Variants in SLC24A2 observed in about 807,000 individuals in gnomAD.
SLC24A2 encodes the protein sodium/potassium/calcium exchanger 2.
In SLC24A2, 36 loss-of-function variants were observed where a neutral mutation model predicts 62.0. The observed-to-expected ratio is 0.58, with a 90% CI of 0.44 to 0.77. SLC24A2 has a LOEUF of 0.77. Ranked by LOEUF, SLC24A2 falls within the 30% of genes least tolerant of loss-of-function variation. The pLI is 0.00. For synonymous variants in SLC24A2, 358 were observed against 294.0 expected (o/e 1.22, Z -2.23); for missense variants, 846 against 817.9 (o/e 1.03, Z -0.42).
upstream of SLC24A2, among the ~76,000 whole-genome samples, chr9:19,791,264 G>A (rs756877847): frequency 2.0e-5 from 3 of 152,222 alleles, no homozygotes; most frequent in Admixed American, 6.5e-5. Flanking sequence ...GGGAAAGAGT[G>A]AAGGGTGAAA....
At chr9:19,670,522 C>T (rs1053268822) in intron 2 of SLC24A2, among the ~76,000 whole-genome samples, 10 of 151,992 alleles carry the variant, frequency 6.6e-5, no homozygotes, top group African/African-American at 2.4e-4. Context: ...GACTTTATGC[C>T]CTATTTTATT....
At chr9:20,307,824 C>T in the SLC24A2 span, among the ~76,000 whole-genome samples, 2 of 152,154 alleles carry the variant, frequency 1.3e-5, no homozygotes, top group Non-Finnish European at 2.9e-5. Context: ...CCGCTTCTCC[C>T]AGGGAAGGAG....
At chr9:20,066,735 T>C in the SLC24A2 span, among the ~76,000 whole-genome samples, 1 of 152,162 alleles carries the variant, frequency 6.6e-6, no homozygotes, top group Non-Finnish European at 1.5e-5. Context: ...TAAAGAAATA[T>C]AGTTTTGGAA....
At chr9:20,066,741 T>C in the SLC24A2 span, among the ~76,000 whole-genome samples, 2 of 152,172 alleles carry the variant, frequency 1.3e-5, no homozygotes, top group Non-Finnish European at 2.9e-5. Context: ...AATATAGTTT[T>C]GGAAATAAAA....
chr9:19,700,043 T>C (rs1013489762), intron 2 of SLC24A2, among the ~76,000 whole-genome samples: 5 of 152,184 alleles, frequency 3.3e-5, no homozygotes, highest in South Asian at 2.1e-4. Flanking sequence ...AATGTGGCAA[T>C]TGACGTCTGC....
At chr9:20,287,349 G>C in the SLC24A2 span, among the ~76,000 whole-genome samples, 5 of 152,256 alleles carry the variant, frequency 3.3e-5, no homozygotes, top group South Asian at 1.0e-3. Context: ...CCCATGGGAG[G>C]CTGCGGGAGG....
At chr9:19,571,281 A>G (rs150521026) in intron 7 of SLC24A2, among the ~76,000 whole-genome samples, 1 of 152,330 alleles carries the variant, frequency 6.6e-6, no homozygotes, top group Non-Finnish European at 1.5e-5. Context: ...TAGAAGGCAG[A>G]GGAGACAAGG....
At chr9:20,160,335 T>A in the SLC24A2 span, among the ~76,000 whole-genome samples, 4 of 151,374 alleles carry the variant, frequency 2.6e-5, no homozygotes, top group Non-Finnish European at 5.9e-5. Context: ...GAAAAACACA[T>A]TAGTAACAGA....
the SLC24A2 span, among the ~76,000 whole-genome samples, chr9:20,139,494 C>G: frequency 6.6e-6 from 1 of 152,190 alleles, no homozygotes; most frequent in African/African-American, 2.4e-5. Context: ...GACTAGCTCC[C>G]TCCTGGGCCA....
At chr9:19,840,539 G>C in the SLC24A2 span, among the ~76,000 whole-genome samples, 2 of 152,028 alleles carry the variant, frequency 1.3e-5, no homozygotes, top group African/African-American at 4.8e-5. Flanking sequence ...TTTTCTTCTG[G>C]TTTAATGAAC....
At chr9:19,716,003 C>T (rs1330683778) in intron 2 of SLC24A2, among the ~76,000 whole-genome samples, 1 of 152,122 alleles carries the variant, frequency 6.6e-6, no homozygotes, top group African/African-American at 2.4e-5. Context: ...GCAGCTTTAA[C>T]AATATATGGG....
chr9:19,728,298 G>C (rs1396798380), intron 2 of SLC24A2, among the ~76,000 whole-genome samples: 1 of 145,224 alleles, frequency 6.9e-6, no homozygotes, highest in Non-Finnish European at 1.5e-5. Flanking sequence ...ATGAATTAGT[G>C]ACAGAAAAAA....
the SLC24A2 span, among the ~76,000 whole-genome samples, chr9:20,150,532 A>G: frequency 6.7e-6 from 1 of 149,520 alleles, no homozygotes; most frequent in East Asian, 1.9e-4. Context: ...CTAGAAAGCT[A>G]ATTTCCTATG....
chr9:20,127,083 A>T, the SLC24A2 span, among the ~76,000 whole-genome samples: 1 of 150,904 alleles, frequency 6.6e-6, no homozygotes, highest in South Asian at 2.1e-4. Flanking sequence ...CCCCACCCTA[A>T]CCCCTCTTCT....
At position 19,510,435 on chromosome 9, in the gene SLC24A2, C is replaced by CAAAAAAAA. The variant is rs67779057; in HGVS notation, c.*5710_*5717dup. On this transcript the variant is annotated 3_prime_UTR_variant, in exon 11 of 11. Transcript: ENST00000341998. Reference sequence around the variant, plus strand: ...GTGCCCAGATGCAGTTACTTTTTGCCAAAAAAAAAAAAAAAAAAAAAAAAA... The same window carrying CAAAAAAAA: ...GTGCCCAGATGCAGTTACTTTTTGCCAAAAAAAAAAAAAAAAAAAAAAAAAAAAAAAAA... The CAAAAAAAA allele has an allele frequency of 1.2e-5, 1 of 86,630 alleles. No homozygotes were observed. Among genetic ancestry groups the CAAAAAAAA allele is most frequent in the Non-Finnish European group, 2.2e-5 (1 of 45,486 alleles). 5.4% of individuals were successfully genotyped at this position (86,630 alleles called of 1,614,324 possible).
At chr9:19,797,460 A>G in the SLC24A2 span, among the ~76,000 whole-genome samples, 1 of 152,210 alleles carries the variant, frequency 6.6e-6, no homozygotes, top group African/African-American at 2.4e-5. Context: ...CGAATCAGGC[A>G]TTAAAATGCT....
chr9:20,137,090 A>G, the SLC24A2 span, among the ~76,000 whole-genome samples: 1 of 152,168 alleles, frequency 6.6e-6, no homozygotes. Context: ...AGTATGGTCG[A>G]AAGTACTGTT....
intron 2 of SLC24A2, among the ~76,000 whole-genome samples, chr9:19,770,017 T>C (rs933196346): frequency 5.3e-5 from 8 of 151,628 alleles, no homozygotes; most frequent in African/African-American, 1.9e-4. Context: ...ATAAAGCAAG[T>C]TAGGTTTCCA....
chr9:20,006,412 A>G, the SLC24A2 span, among the ~76,000 whole-genome samples: 4 of 152,056 alleles, frequency 2.6e-5, no homozygotes, highest in African/African-American at 9.7e-5. Flanking sequence ...TGATAGCACA[A>G]CAAGATGACT....
Sources: gnomAD v4.1 joint callset for allele counts (sites outside exome capture counted in the v4.1 genomes callset) on GRCh38, gnomAD v4.1.1 for gene constraint, MANE v1.5 for transcripts, NCBI Gene and HGNC (gene_info 2026-07-23, HGNC 2026-07-21) for gene names.